HTR3B: variants seen among roughly 807,000 people sequenced by gnomAD.
HTR3B encodes 5-hydroxytryptamine receptor 3B.
In HTR3B, 44 loss-of-function variants were observed where a neutral mutation model predicts 42.8. The observed-to-expected ratio is 1.03, with a 90% CI of 0.81 to 1.32. The LOEUF is 1.32. Among genes scored for constraint, HTR3B ranks in the 40% most tolerant of loss-of-function variants. The pLI is 0.00. For synonymous variants in HTR3B, 203 were observed against 209.0 expected, an observed-to-expected ratio of 0.97 and a Z score of 0.25; for missense variants, 527 against 536.5, an observed-to-expected ratio of 0.98 and a Z score of 0.17.
intron 6 of HTR3B, among the ~76,000 whole-genome samples, chr11:113,935,614 T>C (rs1950085321): frequency 6.6e-6 from 1 of 152,182 alleles, no homozygotes; most frequent in Admixed American, 6.5e-5. Flanking sequence ...GCTCATTCTC[T>C]TACTCCATAC....
chr11:113,916,756 T>C (rs1949857793), intron 2 of HTR3B, among the ~76,000 whole-genome samples: 1 of 152,240 alleles, frequency 6.6e-6, no homozygotes, highest in Non-Finnish European at 1.5e-5. Context: ...TTGCATACAT[T>C]TGGTTAAATT....
chr11:113,941,038 A>C (rs1950130934), intron 6 of HTR3B, among the ~76,000 whole-genome samples: 1 of 152,200 alleles, frequency 6.6e-6, no homozygotes, highest in Non-Finnish European at 1.5e-5. Flanking sequence ...TTTCCTTTTG[A>C]AAATCTATAA....
At chr11:113,899,472 A>G in the HTR3B span, among the ~76,000 whole-genome samples, 1 of 152,212 alleles carries the variant, frequency 6.6e-6, no homozygotes, top group African/African-American at 2.4e-5. Flanking sequence ...TTCCCCGAAT[A>G]TGTACATCTG....
intron 1 of HTR3B, 135 bp downstream of exon 1, chr11:113,905,120 G>A: frequency 1.6e-6 from 1 of 635,864 alleles, no homozygotes; most frequent in East Asian, 2.8e-5. Context: ...TGCCAGTCCT[G>A]TGAAGCTATA....
intron 2 of HTR3B, among the ~76,000 whole-genome samples, chr11:113,918,800 G>A (rs1843984798): frequency 6.6e-6 from 1 of 152,042 alleles, no homozygotes; most frequent in South Asian, 2.1e-4. Context: ...GGGATTACAG[G>A]CATGCGCCAC....
intron 2 of HTR3B, among the ~76,000 whole-genome samples, chr11:113,918,390 C>T (rs572494537): frequency 6.6e-6 from 1 of 152,098 alleles, no homozygotes; most frequent in Admixed American, 6.6e-5. Flanking sequence ...CCCCCAGGTG[C>T]TATCCCTTTA....
intron 2 of HTR3B, among the ~76,000 whole-genome samples, chr11:113,926,621 C>T (rs1032036947): frequency 5.9e-5 from 9 of 151,778 alleles, no homozygotes; most frequent in South Asian, 2.1e-4. Flanking sequence ...CTTCAGCTCC[C>T]GGGTTCAAGT....
At chr11:113,914,818 T>C (rs1338490608) in intron 2 of HTR3B, among the ~76,000 whole-genome samples, 2 of 152,198 alleles carry the variant, frequency 1.3e-5, no homozygotes, top group Non-Finnish European at 2.9e-5. Context: ...CGTTGTATAA[T>C]GTGAATATTT....
Position 113,913,350 on chromosome 11 carries a change from A to ATTTTTTTTTTTTTTT in HTR3B, c.213+3913_213+3927dup, listed in dbSNP as rs71063533. Among the ~76,000 whole-genome samples, 102 of 61,520 alleles carry ATTTTTTTTTTTTTTT rather than the reference A, an allele frequency of 1.7e-3. 4 individuals are homozygous for ATTTTTTTTTTTTTTT. Among genetic ancestry groups the ATTTTTTTTTTTTTTT allele is most frequent in the African/African-American group, 2.7e-3 (38 of 13,938 alleles). 40.4% of individuals were successfully genotyped at this position (61,520 alleles called of 152,430 possible). A position where few individuals can be genotyped will look rare whatever the true frequency, so the allele number is the denominator to read the frequency against. ...AGGTGCCTGCCACCATGTCTGGCTA[A>ATTTTTTTTTTTTTTT]TTTTTTTTTTTTTTTTTTTTTTTTT... On this transcript the variant is annotated intron_variant, in intron 2 of 8. Transcript: ENST00000260191.
upstream of HTR3B, among the ~76,000 whole-genome samples, chr11:113,903,781 C>T (rs575683677): frequency 1.6e-4 from 24 of 152,322 alleles, no homozygotes; most frequent in African/African-American, 5.8e-4. Context: ...TGGGTTCACA[C>T]TGATACCTCC....
chr11:113,922,548 A>ATTTT (rs1433604548), intron 2 of HTR3B, among the ~76,000 whole-genome samples: 1 of 143,458 alleles, frequency 7.0e-6, no homozygotes, highest in East Asian at 2.5e-4. Flanking sequence ...CTGTGTTTTT[A>ATTTT]TTTTATTTAT....
At chr11:113,926,282 T>C (rs759080087) in intron 2 of HTR3B, among the ~76,000 whole-genome samples, 3 of 152,246 alleles carry the variant, frequency 2.0e-5, no homozygotes, top group Non-Finnish European at 2.9e-5. Flanking sequence ...GATGTTTATA[T>C]TGGTTTCACT....
intron 6 of HTR3B, among the ~76,000 whole-genome samples, chr11:113,937,361 A>G (rs1274783040): frequency 6.6e-6 from 1 of 152,214 alleles, no homozygotes; most frequent in Non-Finnish European, 1.5e-5. Context: ...GTACAATTCA[A>G]TAAACATCTT....
intron 2 of HTR3B, among the ~76,000 whole-genome samples, chr11:113,928,325 G>A (rs12270070): frequency 5.3e-5 from 8 of 151,874 alleles, no homozygotes; most frequent in Admixed American, 5.2e-4. Flanking sequence ...TTGCTATTGC[G>A]AACAGTGAAA....
chr11:113,900,512 G>A (rs1022478953), upstream of HTR3B, among the ~76,000 whole-genome samples: 2 of 152,004 alleles, frequency 1.3e-5, no homozygotes, highest in Non-Finnish European at 2.9e-5. Context: ...TTTATTTTTT[G>A]AGATGGAGTT....
upstream of HTR3B, among the ~76,000 whole-genome samples, chr11:113,900,252 C>T (rs1182505424): frequency 6.6e-6 from 1 of 151,898 alleles, no homozygotes; most frequent in African/African-American, 2.4e-5. Flanking sequence ...TGCAAGACTC[C>T]ATCTCAAAAA....
Position 113,932,295 on chromosome 11 carries a change from C to T in HTR3B, c.375C>T (p.Asp125=). The change falls in exon 5 of 9, where the codon GAC becomes GAT. Residue 125 remains aspartate (D), a synonymous_variant. Coordinates refer to ENST00000260191, the MANE Select transcript of HTR3B (RefSeq NM_006028.5). ...APDIIINEFV[D]IERYPDLPYV... ...TCTCTTGTGTTTCATATAGTGTGGA[C>T]ATTGAAAGATACCCTGACCTTCCCT... The T allele has an allele frequency of 1.9e-6, 3 of 1,610,894 alleles. No individual in the cohort carries two copies. In the East Asian group the frequency reaches 6.7e-5, roughly 36 times the overall value.
At chr11:113,916,162 A>G (rs1323486418) in intron 2 of HTR3B, among the ~76,000 whole-genome samples, 2 of 152,208 alleles carry the variant, frequency 1.3e-5, no homozygotes, top group Non-Finnish European at 2.9e-5. Flanking sequence ...TAACCATTGT[A>G]GTAGGTTTGC....
chr11:113,946,140 A>G lies in HTR3B; in HGVS notation c.*3A>G. On this transcript the variant is annotated 3_prime_UTR_variant, in exon 9 of 9. Transcript: ENST00000260191. ...GGGCACTGTGGGGCGGCGTGTGAAG[A>G]CTGAAGTGTTCTTCAGTAATTGTGC... The G allele has an allele frequency of 6.2e-7, 1 of 1,601,256 alleles. No homozygotes were observed. Among genetic ancestry groups the G allele is most frequent in the Non-Finnish European group, 8.6e-7 (1 of 1,168,812 alleles).
Sources: allele counts gnomAD v4.1 joint callset (sites outside exome capture counted in the v4.1 genomes callset), GRCh38; gene constraint gnomAD v4.1.1; transcripts MANE v1.5; gene names NCBI Gene and HGNC (gene_info 2026-07-23, HGNC 2026-07-21).